Variants in ADGRL3 observed in about 807,000 individuals in gnomAD.
The protein encoded by ADGRL3 is adhesion G protein-coupled receptor L3.
In ADGRL3, 62 loss-of-function variants were observed where a neutral mutation model predicts 153.5. The ratio of observed to expected loss-of-function variants is 0.40; its 90% CI spans 0.33 to 0.50. The LOEUF is 0.50. ADGRL3 is among the 20% of genes least tolerant of loss of function. The pLI, the probability that ADGRL3 is intolerant of heterozygous loss-of-function variation, is 0.47. For synonymous variants in ADGRL3, 710 were observed against 672.5 expected (o/e 1.06, Z -0.86); for missense variants, 1,641 against 1,859.4 (o/e 0.88, Z 2.16).
intron 8 of ADGRL3, among the ~76,000 whole-genome samples, chr4:61,744,360 G>A (rs1303425700): frequency 6.6e-6 from 1 of 152,196 alleles, no homozygotes; most frequent in African/African-American, 2.4e-5. Flanking sequence ...GAAGAGAGCA[G>A]TGGTTCACCC....
intron 1 of ADGRL3, among the ~76,000 whole-genome samples, chr4:61,224,731 C>T (rs561005121): frequency 6.6e-6 from 1 of 152,308 alleles, no homozygotes; most frequent in South Asian, 2.1e-4. Context: ...ACATGCTACT[C>T]TAGGCTCTTA....
At chr4:61,481,432 G>A (rs2098130738) in intron 2 of ADGRL3, among the ~76,000 whole-genome samples, 2 of 152,018 alleles carry the variant, frequency 1.3e-5, no homozygotes, top group African/African-American at 2.4e-5. Context: ...CACCATATAT[G>A]TACATGTCCT....
chr4:61,478,314 G>A (rs1254127276), intron 2 of ADGRL3, among the ~76,000 whole-genome samples: 1 of 152,010 alleles, frequency 6.6e-6, no homozygotes, highest in Non-Finnish European at 1.5e-5. Flanking sequence ...TGATGTCAAA[G>A]TGATTATGGT....
At chr4:61,306,232 G>A (rs1194002259) in intron 1 of ADGRL3, among the ~76,000 whole-genome samples, 4 of 151,838 alleles carry the variant, frequency 2.6e-5, no homozygotes, top group Admixed American at 2.0e-4. Context: ...CAGGTAGCTG[G>A]GACTACAGGT....
intron 1 of ADGRL3, among the ~76,000 whole-genome samples, chr4:61,368,277 A>G (rs1022594730): frequency 2.0e-5 from 3 of 152,102 alleles, no homozygotes; most frequent in Non-Finnish European, 4.4e-5. Context: ...TTTTGTTGCC[A>G]TTGCTTTTGA....
intron 6 of ADGRL3, among the ~76,000 whole-genome samples, chr4:61,694,459 T>A (rs192557855): frequency 1.3e-5 from 2 of 152,302 alleles, no homozygotes; most frequent in Admixed American, 1.3e-4. Flanking sequence ...GTTTACATTA[T>A]GCTATAGTCT....
intron 3 of ADGRL3, among the ~76,000 whole-genome samples, chr4:61,501,566 A>G (rs1442874665): frequency 6.6e-6 from 1 of 152,218 alleles, no homozygotes; most frequent in Non-Finnish European, 1.5e-5. Context: ...AAATACTAGC[A>G]TCTAAACAAA....
Position 61,392,684 on chromosome 4 carries a change from C to CAA in ADGRL3, c.-174+9516_-174+9517dup, listed in dbSNP as rs397993633. Among the ~76,000 whole-genome samples, 59 of 13,360 alleles carry CAA rather than the reference C, an allele frequency of 4.4e-3. 5 individuals are homozygous for CAA. Among genetic ancestry groups the CAA allele is most frequent in the East Asian group, 0.013 (5 of 400 alleles). The allele number at this position is 13,360 out of a possible 152,430, so 8.8% of individuals were successfully genotyped here. ...CTGGTGACAGAGCGAGACTCCATCT[C>CAA]AAAAAAAAAAAAAAAAAAAAAAGAA... On this transcript the variant is annotated intron_variant, in intron 2 of 26. Transcript: ENST00000683033.
At chr4:61,799,343 T>A (rs1183056407) in intron 8 of ADGRL3, among the ~76,000 whole-genome samples, 1 of 152,114 alleles carries the variant, frequency 6.6e-6, no homozygotes, top group African/African-American at 2.4e-5. Context: ...TTTTAGGTTT[T>A]GCAGGCTACA....
intron 25 of ADGRL3, among the ~76,000 whole-genome samples, chr4:62,058,597 C>T (rs926590297): frequency 7.9e-5 from 12 of 152,110 alleles, no homozygotes; most frequent in African/African-American, 1.4e-4. Flanking sequence ...ACATTCTTTT[C>T]ACATATGTAA....
intron 4 of ADGRL3, among the ~76,000 whole-genome samples, chr4:61,581,717 A>C (rs1365658531): frequency 6.6e-6 from 1 of 152,068 alleles, no homozygotes; most frequent in Non-Finnish European, 1.5e-5. Context: ...TTGTATATTT[A>C]ACTTCCTACC....
At chr4:61,798,416 T>A (rs2097441608) in intron 8 of ADGRL3, among the ~76,000 whole-genome samples, 1 of 152,150 alleles carries the variant, frequency 6.6e-6, no homozygotes, top group Non-Finnish European at 1.5e-5. Flanking sequence ...TACATACACA[T>A]ATGTTTCTGA....
At chr4:61,343,995 A>G (rs1206658514) in intron 1 of ADGRL3, among the ~76,000 whole-genome samples, 3 of 152,220 alleles carry the variant, frequency 2.0e-5, no homozygotes, top group African/African-American at 7.2e-5. Flanking sequence ...CAGCATCTCC[A>G]TAATTCAGTG....
rs188260903 is a variant in ADGRL3, at chr4:61,226,771, C to T, written c.-240+25006C>T. On this transcript the variant is annotated intron_variant, in intron 1 of 26. Coordinates refer to ENST00000683033, the MANE Select transcript of ADGRL3 (RefSeq NM_001387552.1). ...CATGAAGTTATAATTTCACTCTATT[C>T]GGGATAGTTAGGTGTTAGTAGGAAA... is the stretch of plus-strand genomic sequence containing the variant. 1.6e-3 allele frequency among the ~76,000 whole-genome samples: 246 copies of T among 150,964 alleles called. 2 individuals carry two copies. Among genetic ancestry groups the T allele is most frequent in the Admixed American group, 2.4e-3 (36 of 15,120 alleles).
intron 2 of ADGRL3, among the ~76,000 whole-genome samples, chr4:61,399,142 A>C (rs1560573786): frequency 6.6e-6 from 1 of 151,744 alleles, no homozygotes; most frequent in Non-Finnish European, 1.5e-5. Context: ...GACGTTACTA[A>C]AATTATTATT....
intron 5 of ADGRL3, among the ~76,000 whole-genome samples, chr4:61,640,849 T>G (rs2093633564): frequency 6.6e-6 from 1 of 152,174 alleles, no homozygotes. Context: ...CTATAATAAG[T>G]TTATTGTCCT....
chr4:61,929,743 A>T (rs935902072), intron 13 of ADGRL3, among the ~76,000 whole-genome samples: 4 of 152,194 alleles, frequency 2.6e-5, no homozygotes, highest in Non-Finnish European at 4.4e-5. Context: ...ATGACGTATG[A>T]CACAAAGAAA....
At chr4:61,417,215 C>T (rs932271628) in intron 2 of ADGRL3, among the ~76,000 whole-genome samples, 14 of 152,022 alleles carry the variant, frequency 9.2e-5, no homozygotes, top group African/African-American at 2.7e-4. Flanking sequence ...CAAACAAGAC[C>T]GGGGGTGGTG....
intron 1 of ADGRL3, among the ~76,000 whole-genome samples, chr4:61,289,263 C>T (rs2094074472): frequency 6.6e-6 from 1 of 151,900 alleles, no homozygotes. Flanking sequence ...TATATTTTCA[C>T]CTTAAATATT....
Sources: allele counts gnomAD v4.1 joint callset (sites outside exome capture counted in the v4.1 genomes callset), GRCh38; gene constraint gnomAD v4.1.1; transcripts MANE v1.5; gene names NCBI Gene and HGNC (gene_info 2026-07-23, HGNC 2026-07-21).